DMD: variants seen among roughly 807,000 people sequenced by gnomAD.
DMD encodes mutant dystrophin.
Under a neutral mutation model 330.1 loss-of-function variants are expected in DMD, and 63 were observed. That is an observed-to-expected ratio of 0.19 (90% confidence interval 0.16 to 0.24). The LOEUF is 0.24. DMD is among the 10% of genes least tolerant of loss of function. DMD has a pLI of 1.00. For synonymous variants in DMD, 1,223 were observed against 959.8 expected, an observed-to-expected ratio of 1.27 and a Z score of -5.07; for missense variants, 3,344 against 2,684.1, an observed-to-expected ratio of 1.25 and a Z score of -5.43.
At chrX:32,098,137 C>T (rs143338748) in intron 44 of DMD, among the ~76,000 whole-genome samples, 1,362 of 111,044 alleles carry the variant, frequency 0.012, 21 homozygotes, top group African/African-American at 0.039. Context: ...TATATATGTA[C>T]GTAGGTACAC....
intron 61 of DMD, among the ~76,000 whole-genome samples, chrX:31,324,093 T>C (rs778975538): frequency 1.8e-5 from 2 of 111,622 alleles, no homozygotes; most frequent in African/African-American, 6.5e-5. Context: ...TTCTAAGTTA[T>C]TGAAGCTAAA....
chrX:32,132,504 T>C (rs1257721323), intron 44 of DMD, among the ~76,000 whole-genome samples: 2 of 111,788 alleles, frequency 1.8e-5, no homozygotes. Context: ...AAAACCATGG[T>C]TGGAATTTAG....
intron 6 of DMD, among the ~76,000 whole-genome samples, chrX:32,811,603 G>A (rs1167823155): frequency 1.8e-5 from 2 of 111,670 alleles, no homozygotes; most frequent in East Asian, 5.6e-4. Flanking sequence ...GAATGGATGA[G>A]CACATGAAAC....
intron 44 of DMD, among the ~76,000 whole-genome samples, chrX:32,024,042 T>C (rs987260462): frequency 9.0e-6 from 1 of 111,555 alleles, no homozygotes; most frequent in African/African-American, 3.3e-5. Flanking sequence ...CATCATGCAC[T>C]ATATCCAGGG....
intron 2 of DMD, among the ~76,000 whole-genome samples, chrX:32,883,846 A>AAAAGAAAAGAAAAG (rs2084250568): frequency 5.9e-5 from 6 of 101,965 alleles, no homozygotes; most frequent in African/African-American, 2.2e-4. Context: ...AAAAAAAAAA[A>AAAAGAAAAGAAAAG]AAAAAGAAAA....
intron 48 of DMD, among the ~76,000 whole-genome samples, chrX:31,839,954 T>G (rs1367790137): frequency 9.0e-6 from 1 of 111,630 alleles, no homozygotes; most frequent in Non-Finnish European, 1.9e-5. Context: ...CCTATACAAA[T>G]CTAAAAACTT....
intron 34 of DMD, among the ~76,000 whole-genome samples, chrX:32,370,592 A>G (rs73462096): frequency 0.026 from 2,817 of 110,393 alleles, 44 homozygotes; most frequent in South Asian, 0.074. Flanking sequence ...CAGATGTTCT[A>G]TTTTCTAAGT....
At position 31,120,512 on chromosome X, in the gene DMD, C is replaced by G. The variant is rs1240069776; in HGVS notation, c.*1407G>C. On this transcript the variant is annotated 3_prime_UTR_variant, in exon 79 of 79. Transcript: ENST00000357033. ...AAAGTTTATTTATTTTAAATTATGTCTTGTGGCATTTAAAAACTCATCCCA... is the reference window on the plus strand; with the variant it reads ...AAAGTTTATTTATTTTAAATTATGTGTTGTGGCATTTAAAAACTCATCCCA... 8.9e-6 allele frequency: 1 copy of G among 112,021 alleles called. No homozygotes were observed. Among genetic ancestry groups the G allele is most frequent in the Admixed American group, 9.5e-5 (1 of 10,547 alleles). The allele number at this position is 112,021 out of a possible 1,213,427, so 9.2% of individuals were successfully genotyped here. A position where few individuals can be genotyped will look rare whatever the true frequency, so the allele number is the denominator to read the frequency against.
intron 4 of DMD, among the ~76,000 whole-genome samples, chrX:32,844,456 A>C (rs973419862): frequency 9.0e-5 from 10 of 110,904 alleles, no homozygotes; most frequent in Non-Finnish European, 1.3e-4. Context: ...AAAGAAAAAG[A>C]AAAGCAAAGT....
At chrX:32,347,565 G>A (rs2147054128) in intron 38 of DMD, among the ~76,000 whole-genome samples, 1 of 111,505 alleles carries the variant, frequency 9.0e-6, no homozygotes, top group Non-Finnish European at 1.9e-5. Flanking sequence ...AGATTGGTGG[G>A]AATAGTTCTC....
At chrX:32,301,711 AAG>A (rs1449520491) in intron 42 of DMD, among the ~76,000 whole-genome samples, 2 of 111,439 alleles carry the variant, frequency 1.8e-5, no homozygotes, top group Non-Finnish European at 3.8e-5. Context: ...CAAAGCAAAA[AAG>A]AGAAAAAAAC....
intron 47 of DMD, among the ~76,000 whole-genome samples, chrX:31,889,677 A>G (rs1489999927): frequency 1.3e-5 from 1 of 77,089 alleles, no homozygotes; most frequent in African/African-American, 5.7e-5. Flanking sequence ...ACACACACAC[A>G]CACACGCACA....
At chrX:32,730,605 G>T (rs979890915) in intron 7 of DMD, among the ~76,000 whole-genome samples, 2 of 112,032 alleles carry the variant, frequency 1.8e-5, no homozygotes, top group Non-Finnish European at 3.8e-5. Context: ...AAAGTAGTAA[G>T]AGATAAGACT....
At chrX:32,200,457 T>C (rs905214937) in intron 44 of DMD, among the ~76,000 whole-genome samples, 5 of 98,917 alleles carry the variant, frequency 5.1e-5, no homozygotes, top group Non-Finnish European at 1.0e-4. Context: ...CATGTAACAA[T>C]ACATATGTAA....
At chrX:32,447,756 T>C (rs1311580830) in intron 27 of DMD, among the ~76,000 whole-genome samples, 1 of 111,961 alleles carries the variant, frequency 8.9e-6, no homozygotes, top group Admixed American at 9.4e-5. Flanking sequence ...TAAAGTTTTG[T>C]GCCCCTTGGC....
intron 41 of DMD, among the ~76,000 whole-genome samples, chrX:32,328,722 A>T (rs2097664433): frequency 9.0e-6 from 1 of 110,857 alleles, no homozygotes; most frequent in Non-Finnish European, 1.9e-5. Context: ...ACATCACAAA[A>T]GTTCTGCCCT....
intron 17 of DMD, among the ~76,000 whole-genome samples, chrX:32,536,754 T>G (rs968827904): frequency 1.8e-5 from 2 of 111,924 alleles, no homozygotes; most frequent in Non-Finnish European, 3.8e-5. Context: ...GTAGCACTGG[T>G]ATTTTTTTTA....
At chrX:31,293,654 T>C (rs1179524435) in intron 62 of DMD, among the ~76,000 whole-genome samples, 3 of 112,039 alleles carry the variant, frequency 2.7e-5, no homozygotes, top group Non-Finnish European at 3.8e-5. Flanking sequence ...CTGTATTATA[T>C]GGAGATAAGA....
At chrX:31,228,275 T>TAAAAAAAAAAAAAAAAAAAAA (rs779738772) in intron 63 of DMD, among the ~76,000 whole-genome samples, 2 of 83,997 alleles carry the variant, frequency 2.4e-5, no homozygotes, top group African/African-American at 4.2e-5. Flanking sequence ...AATAAAAAAA[T>TAAAAAAAAAAAAAAAAAAAAA]AAAAAAAAAA....
Sources: allele counts gnomAD v4.1 joint callset (sites outside exome capture counted in the v4.1 genomes callset), GRCh38; gene constraint gnomAD v4.1.1; transcripts MANE v1.5; gene names NCBI Gene and HGNC (gene_info 2026-07-23, HGNC 2026-07-21).